CPSF1: variants seen among roughly 807,000 people sequenced by gnomAD.
CPSF1 encodes the protein cleavage and polyadenylation specificity factor subunit 1.
Under a neutral mutation model 175.8 loss-of-function variants are expected in CPSF1, and 106 were observed. The ratio of observed to expected loss-of-function variants is 0.60; its 90% CI spans 0.52 to 0.71. CPSF1 has a LOEUF of 0.71. Among genes scored for constraint, CPSF1 ranks in the 30% least tolerant of loss-of-function variants. The pLI is 0.00. For synonymous variants in CPSF1, 1,024 were observed against 858.3 expected (o/e 1.19, Z -3.37); for missense variants, 1,734 against 2,022.9 (o/e 0.86, Z 2.74).
At chr8:144,400,135 G>GGGGGCCCCCCCCCCC in intron 9 of CPSF1, 31 bp downstream of exon 9, 4 of 895,982 alleles carry the variant, frequency 4.5e-6, no homozygotes, top group Non-Finnish European at 6.4e-6. Context: ...CCGTCCCCGG[G>GGGGGCCCCCCCCCCC]CCCCCCCCGC....
In CPSF1 at chr8:144,393,316, G is replaced by A; in HGVS notation, c.*2C>T. ...GTGCTGGTGGTGACGGCATCCACGG[G>A]GCTAGAAGTGGGCGGTGACGCGGTC... On this transcript the variant is annotated 3_prime_UTR_variant, in exon 38 of 38. Transcript: ENST00000616140. 6.7e-7 allele frequency: 1 copy of A among 1,500,780 alleles called. No individual in the cohort carries two copies. Among genetic ancestry groups the A allele is most frequent in the South Asian group, 1.3e-5 (1 of 75,062 alleles). 93.0% of individuals were successfully genotyped at this position (1,500,780 alleles called of 1,614,324 possible).
chr8:144,404,636 C>T (rs1434489249), intron 2 of CPSF1, among the ~76,000 whole-genome samples: 1 of 151,664 alleles, frequency 6.6e-6, no homozygotes, highest in Non-Finnish European at 1.5e-5. Flanking sequence ...TGCCAAAGTG[C>T]TGGGATTACA....
Position 144,408,956 on chromosome 8 carries a change from G to A in CPSF1, c.144+59C>T, listed in dbSNP as rs2116912411. 105 of 1,585,070 alleles carry A rather than the reference G, an allele frequency of 6.6e-5. No homozygotes were observed. The South Asian group carries it at 1.2e-3, about 17-fold the overall frequency. ...GGCTTGGCTCTTCCATCTGCAACCG[G>A]GGGCGGTGAGAGCACCCACGTCGCG... is the stretch of plus-strand genomic sequence containing the variant. On this transcript the variant is annotated intron_variant, in intron 2 of 37. Transcript: ENST00000616140.
In CPSF1 at chr8:144,397,219, C is replaced by A; in HGVS notation, c.2580G>T (p.Arg860Ser). The part of the protein sequence containing the change: ...LLVALGSRQS[R>S]PYLLVHVDQE... ...CAGGCGCACTCACCAGCAGGTAGGG[C>A]CTGCTCTGGCGGCTGCCCAGCGCCA... is the stretch of plus-strand genomic sequence containing the variant. The change falls in exon 23 of 38, where the codon AGG (arginine) becomes AGT (serine). Residue 860 changes from arginine (R) to serine (S), a missense_variant. Around this residue, in one of 10 missense-constraint regions of CPSF1, gnomAD observed 585 missense variants for 584.7 expected, o/e 1.00. Transcript: ENST00000616140. 1.9e-6 allele frequency: 3 copies of A among 1,544,770 alleles called. No homozygotes were observed. The highest frequency in any genetic ancestry group is 2.6e-6 in the Non-Finnish European group (3 of 1,144,932).
Position 144,393,529 on chromosome 8 carries a change from G to C in CPSF1, c.4207C>G (p.Leu1403Val). 6.3e-7 allele frequency: 1 copy of C among 1,597,410 alleles called. No homozygotes were observed. Among genetic ancestry groups the C allele is most frequent in the Non-Finnish European group, 8.5e-7 (1 of 1,174,020 alleles). ...CTCAGGTACAGGTAGCGGTTGAGCAGCTCCCCATCCAGCACGTTGCGCACG... is the reference window on the plus strand; with the variant it reads ...CTCAGGTACAGGTAGCGGTTGAGCACCTCCCCATCCAGCACGTTGCGCACG... ...NAVRNVLDGELLNRYLYLSTM... is the reference protein window; with the variant it reads ...NAVRNVLDGEVLNRYLYLSTM... The change falls in exon 37 of 38, where the codon CTG becomes GTG. Residue 1403 changes from leucine to valine, a missense_variant. Physicochemically the swap from Leu to Val is conservative, Grantham distance 32. Around this residue, in one of 10 missense-constraint regions of CPSF1, gnomAD observed 323 missense variants for 338.5 expected, o/e 0.95. Transcript: ENST00000616140.
Position 144,394,447 on chromosome 8 carries a change from C to T in CPSF1, c.3676G>A (p.Asp1226Asn), listed in dbSNP as rs782343028. ...ISVKNFILAA[D>N]VMKSISLLRY... ...AGCAGCGAAATGCTCTTCATGACGT[C>T]GGCTGCCAGGATGAAGTTCTTGACG... The change falls in exon 32 of 38, where the codon GAC becomes AAC. Residue 1226 changes from aspartate (D) to asparagine (N), a missense_variant. This residue lies in a region of CPSF1 where 323 missense variants were observed against 338.5 expected (regional missense o/e 0.95). Coordinates refer to ENST00000616140, the MANE Select transcript of CPSF1 (RefSeq NM_013291.3). 6.2e-7 allele frequency: 1 copy of T among 1,607,922 alleles called. No homozygotes were observed. The highest frequency in any genetic ancestry group is 8.5e-7 in the Non-Finnish European group (1 of 1,177,964).
In CPSF1 at chr8:144,399,573, G is replaced by A. The variant is rs2116864224; in HGVS notation, c.1242+15C>T. On this transcript the variant is annotated intron_variant, in intron 12 of 37. Coordinates refer to ENST00000616140, the MANE Select transcript of CPSF1 (RefSeq NM_013291.3). The surrounding 1 kb of genome is among the most constrained non-coding windows in gnomAD (Gnocchi z 6.4). ...CACATGAAGGGTGGTGGCCCAATGG[G>A]CCCAGGAAACCCACCTTGTCGGCAG... 34 of 1,610,644 alleles carry A rather than the reference G, an allele frequency of 2.1e-5. No homozygotes were observed. Among genetic ancestry groups the A allele is most frequent in the Non-Finnish European group, 2.4e-5 (28 of 1,178,688 alleles).
Position 144,396,338 on chromosome 8 carries a change from C to G in CPSF1, c.2979+10G>C. The G allele has an allele frequency of 6.3e-7, 1 of 1,578,196 alleles. No individual in the cohort carries two copies. The highest frequency in any genetic ancestry group is 8.6e-7 in the Non-Finnish European group (1 of 1,164,808). On this transcript the variant is annotated intron_variant, in intron 26 of 37. Coordinates refer to ENST00000616140, the MANE Select transcript of CPSF1 (RefSeq NM_013291.3). ...TCAGCCAGTGCTGCTGGGAACCGGC[C>G]GGGCCCCACCTGTCTGTTGAAGTAC...
In CPSF1 at chr8:144,399,542, A is replaced by G. The variant is rs2116863728; in HGVS notation, c.1243-39T>C. On this transcript the variant is annotated intron_variant, in intron 12 of 37. Transcript: ENST00000616140. This position sits in a 1 kb window ranked among gnomAD's most constrained non-coding sequence, Gnocchi z 6.4. ...GGGGCACTGAGTGGCATGCCACAGC[A>G]GTGCCCACATGAAGGGTGGTGGCCC... 2 of 1,611,932 alleles carry G rather than the reference A, an allele frequency of 1.2e-6. No homozygotes were observed. The highest frequency in any genetic ancestry group is 4.5e-5 in the East Asian group (2 of 44,848).
chr8:144,400,583 AGGCCCCGCCCTAAACCCCATG>A (rs1821141189), intron 7 of CPSF1, 67 bp downstream of exon 7: 1 of 1,603,944 alleles, frequency 6.2e-7, no homozygotes, highest in East Asian at 2.2e-5. Flanking sequence ...CACACCCCAT[AGGCCCCGCCCTAAACCCCATG>A]GGCCCCACCC....
chr8:144,397,049 G>T, intron 23 of CPSF1, 120 bp from the exon 24 acceptor site: 1 of 896,670 alleles, frequency 1.1e-6, no homozygotes, highest in Non-Finnish European at 1.7e-6. Context: ...AGCCATGTAT[G>T]GGAAGGGGCG....
Position 144,399,771 on chromosome 8 carries a change from C to G in CPSF1, c.1119+10G>C. 6.3e-7 allele frequency: 1 copy of G among 1,583,050 alleles called. No individual in the cohort carries two copies. The highest frequency in any genetic ancestry group is 8.6e-7 in the Non-Finnish European group (1 of 1,165,106). On this transcript the variant is annotated intron_variant, in intron 11 of 37. Coordinates refer to ENST00000616140, the MANE Select transcript of CPSF1 (RefSeq NM_013291.3). The surrounding 1 kb of genome is among the most constrained non-coding windows in gnomAD (Gnocchi z 6.4). ...TCTGGACCCAGACCCAACCCCTAGT[C>G]CCAACTCACGCTGGTGGTGAGGACG...
chr8:144,400,143 C>CCA (rs1387554703), intron 9 of CPSF1, 23 bp downstream of exon 9: 23 of 1,222,702 alleles, frequency 1.9e-5, no homozygotes, highest in Admixed American at 8.8e-5. Flanking sequence ...GGGCCCCCCC[C>CCA]GCCCCAGCCA....
Position 144,399,221 on chromosome 8 carries a change from CAG to C in CPSF1, c.1393-21_1393-20del, listed in dbSNP as rs1821001319. ...CACACACCTGCGGCACAGCAAGAGT[CAG>C]GGGCCCGCTGGGGGCGCTGGCTGGG... On this transcript the variant is annotated intron_variant, in intron 14 of 37. Transcript: ENST00000616140. The surrounding 1 kb of genome is among the most constrained non-coding windows in gnomAD (Gnocchi z 6.4). 4 of 1,611,500 alleles carry C rather than the reference CAG, an allele frequency of 2.5e-6. No homozygotes were observed. Among genetic ancestry groups the C allele is most frequent in the East Asian group, 4.5e-5 (2 of 44,844 alleles).
Position 144,396,402 on chromosome 8 carries a change from G to GA in CPSF1, c.2924dup (p.Ala976ArgfsTer33). 1 of 1,590,776 alleles carries GA rather than the reference G, an allele frequency of 6.3e-7. No homozygotes were observed. Among genetic ancestry groups the GA allele is most frequent in the Non-Finnish European group, 8.5e-7 (1 of 1,171,092 alleles). ...GACAGTTGACATTGTGGAATGGAGC[G>GA]AAAGAGTCGACCGGGCCGTCGATGG... On this transcript the variant is annotated frameshift_variant, in exon 26 of 38. Transcript: ENST00000616140. LOFTEE classifies it high-confidence loss of function.
In CPSF1 at chr8:144,409,295, G is replaced by C. The variant is rs941971104; in HGVS notation, c.-21C>G. Reference sequence around the variant, plus strand: ...CGCCCGCCCGGCCGCCCACCTGGCAGTTGGAGCCGACTCGAGAGGAACCGG... The same window carrying C: ...CGCCCGCCCGGCCGCCCACCTGGCACTTGGAGCCGACTCGAGAGGAACCGG... On this transcript the variant is annotated 5_prime_UTR_variant, in exon 1 of 38. Transcript: ENST00000616140. 2 of 745,654 alleles carry C rather than the reference G, an allele frequency of 2.7e-6. No individual in the cohort carries two copies. The highest frequency in any genetic ancestry group is 6.5e-5 in the South Asian group (1 of 15,310). 46.2% of individuals were successfully genotyped at this position (745,654 alleles called of 1,614,324 possible).
intron 2 of CPSF1, among the ~76,000 whole-genome samples, chr8:144,402,141 G>A (rs2116889416): frequency 3.0e-5 from 4 of 133,674 alleles, no homozygotes; most frequent in Admixed American, 7.6e-5. Flanking sequence ...CTGACGCCTC[G>A]GGCTCCCCCA....
At position 144,400,292 on chromosome 8, in the gene CPSF1, G is replaced by A. The variant is rs1554866202; in HGVS notation, c.827-16C>T. Reference sequence around the variant, plus strand: ...ACCACCCCACCTGGAGGTGGACACAGGCTGGTGGGCAGGCTCAGTGCTCTC... The same window carrying A: ...ACCACCCCACCTGGAGGTGGACACAAGCTGGTGGGCAGGCTCAGTGCTCTC... On this transcript the variant is annotated splice_polypyrimidine_tract_variant and intron_variant, in intron 8 of 37. Coordinates refer to ENST00000616140, the MANE Select transcript of CPSF1 (RefSeq NM_013291.3). 3 of 1,608,648 alleles carry A rather than the reference G, an allele frequency of 1.9e-6. No homozygotes were observed. The highest frequency in any genetic ancestry group is 1.7e-5 in the Admixed American group (1 of 59,866).
At position 144,394,808 on chromosome 8, in the gene CPSF1, GGGTATGGCTGT is replaced by G; in HGVS notation, c.3415-23_3415-13del. On this transcript the variant is annotated splice_polypyrimidine_tract_variant and intron_variant, in intron 30 of 37. Transcript: ENST00000616140. ...TCCATGATCAAGATCTGGAGGGCATGGGTATGGCTGTGGGATGGCTGTGGGGATGGCAGAGG... is the reference window on the plus strand; with the variant it reads ...TCCATGATCAAGATCTGGAGGGCATGGGGATGGCTGTGGGGATGGCAGAGG... 1 of 1,613,428 alleles carries G rather than the reference GGGTATGGCTGT, an allele frequency of 6.2e-7. No individual in the cohort carries two copies. Among genetic ancestry groups the G allele is most frequent in the Non-Finnish European group, 8.5e-7 (1 of 1,179,894 alleles).
Sources: allele counts gnomAD v4.1 joint callset (sites outside exome capture counted in the v4.1 genomes callset), GRCh38; gene constraint gnomAD v4.1.1; regional missense constraint gnomAD v4.1.1; non-coding constraint Gnocchi (gnomAD v3.1); transcripts MANE v1.5; gene names NCBI Gene and HGNC (gene_info 2026-07-23, HGNC 2026-07-21).